The following CDHR5 variants were observed in gnomAD, a reference collection of about 807,000 sequenced individuals.
CDHR5 encodes the protein cadherin-related family member 5.
CDHR5 carries 82 observed loss-of-function variants against 69.5 expected under a neutral mutation model. The observed-to-expected ratio is 1.18, with a 90% CI of 0.99 to 1.42. The LOEUF (loss-of-function observed/expected upper bound fraction) is 1.42. Among genes scored for constraint, CDHR5 ranks in the 40% most tolerant of loss-of-function variants. The pLI, the probability that CDHR5 is intolerant of heterozygous loss-of-function variation, is 0.00. For synonymous variants in CDHR5, 601 were observed against 510.2 expected (o/e 1.18, Z -2.40); for missense variants, 1,293 against 1,168.9 (o/e 1.11, Z -1.55).
chr11:622,768 G>A (rs1277432658), intron 3 of CDHR5, among the ~76,000 whole-genome samples: 5 of 152,070 alleles, frequency 3.3e-5, no homozygotes, highest in South Asian at 4.1e-4. Flanking sequence ...GAGCCACGGC[G>A]CCCAGCCAGG....
rs1427172499 is a variant in CDHR5, at chr11:619,396, G to T, written c.1294-6C>A. On this transcript the variant is annotated splice_region_variant and splice_polypyrimidine_tract_variant and intron_variant, in intron 11 of 14. Coordinates refer to ENST00000397542, the MANE Select transcript of CDHR5 (RefSeq NM_021924.5). ...ACCGTGTTGTGGGCCTCAACCTGGGGCAGGAAGGGGCTTGTCCCTCCTAGA... is the reference window on the plus strand; with the variant it reads ...ACCGTGTTGTGGGCCTCAACCTGGGTCAGGAAGGGGCTTGTCCCTCCTAGA... 52 of 1,612,530 alleles carry T rather than the reference G, an allele frequency of 3.2e-5. No homozygotes were observed. The highest frequency in any genetic ancestry group is 1.5e-4 in the African/African-American group (11 of 74,872).
Position 617,539 on chromosome 11 carries a change from G to A in CDHR5, c.2350C>T (p.Pro784Ser). 3 of 1,612,224 alleles carry A rather than the reference G, an allele frequency of 1.9e-6. No homozygotes were observed. The highest frequency in any genetic ancestry group is 2.2e-5 in the South Asian group (2 of 91,084). Reference sequence around the variant, plus strand: ...CAGACAGCCTTGTACCCGCCCTCCGGCCGCCGCTCCTTGGTCAGGATGGAC... The same window carrying A: ...CAGACAGCCTTGTACCCGCCCTCCGACCGCCGCTCCTTGGTCAGGATGGAC... ...VRSILTKERRPEGGYKAVWFG... is the reference protein window; with the variant it reads ...VRSILTKERRSEGGYKAVWFG... Residue 784 changes from proline to serine, a missense_variant, in exon 15 of 15, where the codon CCG becomes TCG. Coordinates refer to ENST00000397542, the MANE Select transcript of CDHR5 (RefSeq NM_021924.5).
At chr11:623,785 G>C (rs1857555111) in intron 3 of CDHR5, among the ~76,000 whole-genome samples, 1 of 152,132 alleles carries the variant, frequency 6.6e-6, no homozygotes, top group Non-Finnish European at 1.5e-5. Flanking sequence ...TTCCCAAAAT[G>C]AGTGCTGGTG....
At position 617,091 on chromosome 11, in the gene CDHR5, G is replaced by C; in HGVS notation, c.*260C>G. ...GCACAGAGCCTCGGGAAGGCGGCGGGCACTGCAGGTGGTTTACGGGAAGTG... is the reference window on the plus strand; with the variant it reads ...GCACAGAGCCTCGGGAAGGCGGCGGCCACTGCAGGTGGTTTACGGGAAGTG... On this transcript the variant is annotated 3_prime_UTR_variant, in exon 15 of 15. Transcript: ENST00000397542. 1 of 524,120 alleles carries C rather than the reference G, an allele frequency of 1.9e-6. No individual in the cohort carries two copies. Among genetic ancestry groups the C allele is most frequent in the Non-Finnish European group, 3.4e-6 (1 of 296,688 alleles). The allele number at this position is 524,120 out of a possible 1,614,324, so 32.5% of individuals were successfully genotyped here.
chr11:619,778 C>G lies in CDHR5; in HGVS notation c.1082G>C (p.Gly361Ala). 6.2e-7 allele frequency: 1 copy of G among 1,610,162 alleles called. No homozygotes were observed. The highest frequency in any genetic ancestry group is 8.5e-7 in the Non-Finnish European group (1 of 1,179,600). The stretch of plus-strand genomic sequence containing the variant: ...CGCTCCAGCGCCACGCGCCACGGTG[C>G]CACGATACAGTCTCTGGGGGAAGCG... Reference protein sequence around the residue: ...PPRFPQRLYRGTVARGAGAGV... With the variant: ...PPRFPQRLYRATVARGAGAGV... Residue 361 changes from glycine to alanine, a missense_variant, in exon 10 of 15, where the codon GGC becomes GCC. Transcript: ENST00000397542.
At position 618,601 on chromosome 11, in the gene CDHR5, G is replaced by A; in HGVS notation, c.1958C>T (p.Ser653Leu). 6.2e-7 allele frequency: 1 copy of A among 1,613,954 alleles called. No homozygotes were observed. Among genetic ancestry groups the A allele is most frequent in the Non-Finnish European group, 8.5e-7 (1 of 1,179,972 alleles). ...PMPLSKSTPS[S>L]GGGPSEDKRF... ...GAAGGCAACAGAGTGGGTGCTACCTGAAGATGGGGTGCTCTTGCTGAGGGG... is the reference window on the plus strand; with the variant it reads ...GAAGGCAACAGAGTGGGTGCTACCTAAAGATGGGGTGCTCTTGCTGAGGGG... The change falls in exon 13 of 15, where the codon TCA becomes TTA. Residue 653 changes from serine to leucine, a missense_variant and splice_region_variant. Ser to Leu is a moderately radical substitution (Grantham distance 145, BLOSUM62 -2). Transcript: ENST00000397542.
Position 619,833 on chromosome 11 carries a change from C to A in CDHR5, c.1027G>T (p.Glu343Ter). The change falls in exon 10 of 15, where the codon GAG becomes TAG. Residue 343 changes from glutamate (E) to a stop codon, truncating the protein, a stop_gained. Coordinates refer to ENST00000397542, the MANE Select transcript of CDHR5 (RefSeq NM_021924.5). LOFTEE classifies it high-confidence loss of function. ...ARYSVTQVTV[E>*]AVAAAGSPPR... ...GGGCTCCCGGCCGCAGCCACAGCCT[C>A]CACGGTGACCTGGGTCACTGAGTAG... 1 of 1,569,876 alleles carries A rather than the reference C, an allele frequency of 6.4e-7. No individual in the cohort carries two copies. The highest frequency in any genetic ancestry group is 8.6e-7 in the Non-Finnish European group (1 of 1,161,882).
At position 616,744 on chromosome 11, in the gene CDHR5, C is replaced by T. The variant is rs1856918148; in HGVS notation, c.*607G>A. 1.3e-5 allele frequency: 2 copies of T among 155,854 alleles called. No homozygotes were observed. Among genetic ancestry groups the T allele is most frequent in the Admixed American group, 6.5e-5 (1 of 15,330 alleles). The allele number at this position is 155,854 out of a possible 1,614,324, so 9.7% of individuals were successfully genotyped here. On this transcript the variant is annotated 3_prime_UTR_variant, in exon 15 of 15. Transcript: ENST00000397542. ...CCTAGGCCTCCTGGTCTGGCTCCTG[C>T]TCAGGCCACACGGCGCACCCACCCC...
rs199744064 is a variant in CDHR5, at chr11:619,611, C to T, written c.1180-24G>A. The T allele has an allele frequency of 6.8e-6, 11 of 1,609,726 alleles. No homozygotes were observed. The Admixed American group carries it at 8.3e-5, about 12-fold the overall frequency. ...TCCTGGACAGGGTCTCATTGAGTCC[C>T]CGGCCAGGCTGCCTCCCACGTACAG... On this transcript the variant is annotated intron_variant, in intron 10 of 14. Transcript: ENST00000397542.
In CDHR5 at chr11:618,115, G is replaced by A. The variant is rs192732524; in HGVS notation, c.1961-4C>T. On this transcript the variant is annotated splice_polypyrimidine_tract_variant and splice_region_variant and intron_variant, in intron 13 of 14. Coordinates refer to ENST00000397542, the MANE Select transcript of CDHR5 (RefSeq NM_021924.5). The stretch of plus-strand genomic sequence containing the variant: ...TTGTCCTCCGAGGGGCCGCCACCTG[G>A]CATCGCAGTGGAAAACGTCATCATC... The A allele has an allele frequency of 5.6e-6, 9 of 1,604,214 alleles. No individual in the cohort carries two copies. Among genetic ancestry groups the A allele is most frequent in the Non-Finnish European group, 7.7e-6 (9 of 1,175,182 alleles).
At chr11:619,903 G>T in intron 9 of CDHR5, 22 bp from the exon 10 acceptor site, 2 of 1,516,130 alleles carry the variant, frequency 1.3e-6, no homozygotes, top group South Asian at 1.2e-5. Flanking sequence ...GGAGGCAGCA[G>T]TGACTAGTGG....
intron 3 of CDHR5, among the ~76,000 whole-genome samples, chr11:622,423 GTT>G (rs113267764): frequency 1.5e-4 from 19 of 127,874 alleles, no homozygotes; most frequent in Non-Finnish European, 1.7e-4. Context: ...TCTTTTCTCT[GTT>G]TTTTTTTTTT....
At position 624,183 on chromosome 11, in the gene CDHR5, T is replaced by G. The variant is rs958339649; in HGVS notation, c.312+30A>C. The G allele has an allele frequency of 2.9e-6, 2 of 678,830 alleles. No individual in the cohort carries two copies. The highest frequency in any genetic ancestry group is 2.9e-5 in the East Asian group (1 of 34,738). 42.1% of individuals were successfully genotyped at this position (678,830 alleles called of 1,614,324 possible). A position where few individuals can be genotyped will look rare whatever the true frequency, so the allele number is the denominator to read the frequency against. ...GCAGAGCCCAGCAGAGGTGGCCGGG[T>G]GGGGCGGGGAGAGCGGGGCGGGGAC... On this transcript the variant is annotated intron_variant, in intron 3 of 14. Transcript: ENST00000397542. The surrounding 1 kb of genome is among the most constrained non-coding windows in gnomAD (Gnocchi z 5.3).
intron 7 of CDHR5, among the ~76,000 whole-genome samples, 182 bp from the exon 8 acceptor site, chr11:620,568 T>C (rs1857314308): frequency 6.6e-6 from 1 of 152,270 alleles, no homozygotes; most frequent in East Asian, 1.9e-4. Context: ...GTAACACCCC[T>C]GTGGGTCCCT....
At position 621,965 on chromosome 11, in the gene CDHR5, G is replaced by A. The variant is rs149534262; in HGVS notation, c.313-61C>T. Reference sequence around the variant, plus strand: ...CTCCCCGTTGTGAGGTGCACCCCTCGACGGCTATCCGTCCCCACCGTGAGT... The same window carrying A: ...CTCCCCGTTGTGAGGTGCACCCCTCAACGGCTATCCGTCCCCACCGTGAGT... On this transcript the variant is annotated intron_variant, in intron 3 of 14. Transcript: ENST00000397542. This position sits in a 1 kb window ranked among gnomAD's most constrained non-coding sequence, Gnocchi z 4.4. 240 of 1,340,820 alleles carry A rather than the reference G, an allele frequency of 1.8e-4. 2 individuals are homozygous for A. In the Middle Eastern group the frequency reaches 6.4e-3, roughly 36 times the overall value. The allele number at this position is 1,340,820 out of a possible 1,614,324, so 83.1% of individuals were successfully genotyped here. A position where few individuals can be genotyped will look rare whatever the true frequency, so the allele number is the denominator to read the frequency against.
chr11:623,685 G>A (rs1394409463), intron 3 of CDHR5, among the ~76,000 whole-genome samples: 4 of 152,120 alleles, frequency 2.6e-5, no homozygotes, highest in East Asian at 1.9e-4. Flanking sequence ...GGCAGCCTTG[G>A]TTTACAACAT....
At position 621,488 on chromosome 11, in the gene CDHR5, G is replaced by A. The variant is rs753167830; in HGVS notation, c.508-33C>T. On this transcript the variant is annotated intron_variant, in intron 5 of 14. Coordinates refer to ENST00000397542, the MANE Select transcript of CDHR5 (RefSeq NM_021924.5). The surrounding 1 kb of genome is among the most constrained non-coding windows in gnomAD (Gnocchi z 4.4). ...GGGTCAGGGAGGACAGAGCCTAAGA[G>A]CCTTGGAGGGCGAGGGCGGCTGTGG... 3.1e-4 allele frequency: 491 copies of A among 1,598,854 alleles called. No individual in the cohort carries two copies. Among genetic ancestry groups the A allele is most frequent in the Non-Finnish European group, 3.8e-4 (440 of 1,166,870 alleles).
chr11:617,542 G>C lies in CDHR5; in HGVS notation c.2347C>G (p.Arg783Gly). 1 of 1,612,316 alleles carries C rather than the reference G, an allele frequency of 6.2e-7. No individual in the cohort carries two copies. ...ACAGCCTTGTACCCGCCCTCCGGCC[G>C]CCGCTCCTTGGTCAGGATGGACCTC... ...AVRSILTKERRPEGGYKAVWF... is the reference protein window; with the variant it reads ...AVRSILTKERGPEGGYKAVWF... The change falls in exon 15 of 15, where the codon CGG (arginine) becomes GGG (glycine). Residue 783 changes from arginine to glycine, a missense_variant. Physicochemically the swap from Arg to Gly is moderately radical, Grantham distance 125 (BLOSUM62 -2). Coordinates refer to ENST00000397542, the MANE Select transcript of CDHR5 (RefSeq NM_021924.5).
At position 617,936 on chromosome 11, in the gene CDHR5, C is replaced by T. The variant is rs1451384778; in HGVS notation, c.2118+18G>A. On this transcript the variant is annotated intron_variant, in intron 14 of 14. Transcript: ENST00000397542. ...TTCCTGCCTGGTCGCCTGCCCTGTT[C>T]TCCATCCTGGGCCTCACCGGAGCTT... is the stretch of plus-strand genomic sequence containing the variant. The T allele has an allele frequency of 6.2e-7, 1 of 1,607,756 alleles. No homozygotes were observed.
Sources: allele counts gnomAD v4.1 joint callset (sites outside exome capture counted in the v4.1 genomes callset), GRCh38; gene constraint gnomAD v4.1.1; non-coding constraint Gnocchi (gnomAD v3.1); transcripts MANE v1.5; gene names NCBI Gene and HGNC (gene_info 2026-07-23, HGNC 2026-07-21).